GFRA1: variants seen among roughly 807,000 people sequenced by gnomAD.
The protein encoded by GFRA1 is GDNF family receptor alpha-1.
Under a neutral mutation model 51.6 loss-of-function variants are expected in GFRA1, and 16 were observed. The ratio of observed to expected loss-of-function variants is 0.31; its 90% CI spans 0.21 to 0.47. The LOEUF (loss-of-function observed/expected upper bound fraction) is 0.47, where lower values mean the gene tolerates loss of function less well. Ranked by LOEUF, GFRA1 falls within the 20% of genes least tolerant of loss-of-function variation. The probability of loss-of-function intolerance (pLI) is 1.00; values close to 1 mark genes in which losing one functional copy is unlikely to be tolerated. For synonymous variants in GFRA1, 270 were observed against 241.3 expected (o/e 1.12, Z -1.10); for missense variants, 530 against 594.3 (o/e 0.89, Z 1.13).
chr10:116,073,398 CTGTT>C (rs1437233550), intron 9 of GFRA1, among the ~76,000 whole-genome samples: 1 of 152,146 alleles, frequency 6.6e-6, no homozygotes, highest in Middle Eastern at 3.2e-3. Flanking sequence ...TATTAGAGAA[CTGTT>C]TGTTTTCATT....
intron 4 of GFRA1, among the ~76,000 whole-genome samples, chr10:116,257,285 A>ACCCCCCCCCCCCCCCCCCCCCCCCCCCT (rs918979844): frequency 7.1e-6 from 1 of 140,036 alleles, no homozygotes; most frequent in African/African-American, 2.6e-5. Context: ...GCTTACCTGT[A>ACCCCCCCCCCCCCCCCCCCCCCCCCCCT]CCCCCCACCC....
At chr10:116,170,462 C>T (rs116492315) in intron 5 of GFRA1, among the ~76,000 whole-genome samples, 76 of 152,240 alleles carry the variant, frequency 5.0e-4, no homozygotes, top group African/African-American at 1.8e-3. Flanking sequence ...TCAATTTGCT[C>T]TTCTAAATTT....
chr10:116,107,916 T>G (rs1291892508), intron 6 of GFRA1, among the ~76,000 whole-genome samples: 1 of 152,184 alleles, frequency 6.6e-6, no homozygotes, highest in Non-Finnish European at 1.5e-5. Context: ...TTTAATAATT[T>G]GTGAAACCCC....
At chr10:116,251,249 G>A (rs1968327883) in intron 4 of GFRA1, among the ~76,000 whole-genome samples, 1 of 152,168 alleles carries the variant, frequency 6.6e-6, no homozygotes, top group South Asian at 2.1e-4. Context: ...CACGAAAGTT[G>A]GCTCAGTAGA....
intron 4 of GFRA1, among the ~76,000 whole-genome samples, chr10:116,246,305 C>T (rs774852955): frequency 1.5e-4 from 23 of 152,080 alleles, no homozygotes; most frequent in Admixed American, 8.5e-4. Context: ...GTGGTGGGCA[C>T]CTGTAATCCC....
At chr10:116,243,959 A>G (rs1967632985) in intron 4 of GFRA1, among the ~76,000 whole-genome samples, 1 of 152,230 alleles carries the variant, frequency 6.6e-6, no homozygotes, top group African/African-American at 2.4e-5. Flanking sequence ...CCATGGAGTG[A>G]GGAATTAACT....
At chr10:116,218,532 A>G (rs1268009556) in intron 4 of GFRA1, among the ~76,000 whole-genome samples, 1 of 152,198 alleles carries the variant, frequency 6.6e-6, no homozygotes, top group Non-Finnish European at 1.5e-5. Flanking sequence ...GCATGGCCAG[A>G]GTCCAGAGCT....
At chr10:116,100,641 A>G (rs750195880) in intron 6 of GFRA1, among the ~76,000 whole-genome samples, 4 of 152,172 alleles carry the variant, frequency 2.6e-5, no homozygotes, top group Non-Finnish European at 5.9e-5. Flanking sequence ...GAGAAGTAAC[A>G]TGATCAGATT....
At chr10:116,091,687 C>T (rs759566676) in intron 8 of GFRA1, among the ~76,000 whole-genome samples, 13 of 152,156 alleles carry the variant, frequency 8.5e-5, no homozygotes, top group South Asian at 2.1e-4. Context: ...TTAATCTGAA[C>T]GGAGCAGAAT....
At chr10:116,170,111 G>A (rs917867779) in intron 5 of GFRA1, among the ~76,000 whole-genome samples, 3 of 152,288 alleles carry the variant, frequency 2.0e-5, no homozygotes, top group South Asian at 2.1e-4. Context: ...AGAGGGTAAA[G>A]GGAACTCTCC....
At chr10:116,137,337 C>T (rs976082216) in intron 5 of GFRA1, among the ~76,000 whole-genome samples, 14 of 152,110 alleles carry the variant, frequency 9.2e-5, no homozygotes, top group Admixed American at 7.2e-4. Context: ...TTGATGATGT[C>T]GGCGGTTGTC....
chr10:116,117,647 G>A (rs1414412448), intron 6 of GFRA1, among the ~76,000 whole-genome samples: 1 of 152,004 alleles, frequency 6.6e-6, no homozygotes, highest in Non-Finnish European at 1.5e-5. Flanking sequence ...ATGGATTAAT[G>A]GATGGATAGA....
At chr10:116,179,339 T>C (rs150641245) in intron 5 of GFRA1, among the ~76,000 whole-genome samples, 1 of 152,328 alleles carries the variant, frequency 6.6e-6, no homozygotes, top group East Asian at 1.9e-4. Context: ...AATTTTACAT[T>C]TGTGAGGACA....
chr10:116,167,747 G>A (rs1960622191), intron 5 of GFRA1, among the ~76,000 whole-genome samples: 1 of 152,136 alleles, frequency 6.6e-6, no homozygotes, highest in South Asian at 2.1e-4. Flanking sequence ...AGGATCCCAG[G>A]AGATAGCATT....
intron 6 of GFRA1, among the ~76,000 whole-genome samples, chr10:116,107,718 T>C (rs1253253734): frequency 6.6e-6 from 1 of 152,168 alleles, no homozygotes; most frequent in Non-Finnish European, 1.5e-5. Context: ...GAAGGAAGTG[T>C]TGAGGTAAGT....
intron 5 of GFRA1, among the ~76,000 whole-genome samples, chr10:116,149,336 T>C (rs1051974895): frequency 2.0e-5 from 3 of 152,156 alleles, no homozygotes; most frequent in Non-Finnish European, 4.4e-5. Flanking sequence ...AATCCAAACA[T>C]GTTAGAGAAA....
chr10:116,155,633 C>A (rs1311722472), intron 5 of GFRA1, among the ~76,000 whole-genome samples: 1 of 152,092 alleles, frequency 6.6e-6, no homozygotes, highest in Non-Finnish European at 1.5e-5. Context: ...TCAGGTTCAG[C>A]AAAATATGGT....
chr10:116,246,189 C>T (rs1967852260), intron 4 of GFRA1, among the ~76,000 whole-genome samples: 1 of 152,130 alleles, frequency 6.6e-6, no homozygotes, highest in African/African-American at 2.4e-5. Flanking sequence ...CCTGTAATCC[C>T]AGCACTTTGG....
chr10:116,068,105 C>T (rs569685310), intron 9 of GFRA1, among the ~76,000 whole-genome samples: 12 of 152,318 alleles, frequency 7.9e-5, no homozygotes, highest in African/African-American at 1.9e-4. Flanking sequence ...AGTAAGAATA[C>T]GCAGCCAGAT....
Sources: gnomAD v4.1 joint callset for allele counts (sites outside exome capture counted in the v4.1 genomes callset) on GRCh38, gnomAD v4.1.1 for gene constraint, MANE v1.5 for transcripts, NCBI Gene and HGNC (gene_info 2026-07-23, HGNC 2026-07-21) for gene names.